Variants in XKR4 observed in about 807,000 individuals in gnomAD.
XKR4 encodes the protein XK related 4.
A neutral mutation model predicts 53.9 loss-of-function variants in XKR4; 12 were observed. That is an observed-to-expected ratio of 0.22 (90% CI 0.14 to 0.36). XKR4 has a LOEUF of 0.36. Ranked by LOEUF, XKR4 falls within the 10% of genes least tolerant of loss-of-function variation. The pLI, the probability that XKR4 is intolerant of heterozygous loss-of-function variation, is 1.00. For synonymous variants in XKR4, 354 were observed against 362.4 expected (o/e 0.98, Z 0.26); for missense variants, 799 against 859.5 (o/e 0.93, Z 0.88).
At chr8:55,434,171 AC>A (rs1358960583) in intron 2 of XKR4, among the ~76,000 whole-genome samples, 31 of 152,246 alleles carry the variant, frequency 2.0e-4, no homozygotes, top group Non-Finnish European at 1.5e-5. Flanking sequence ...ACCTATATAT[AC>A]ATTAGAGAAA....
intron 1 of XKR4, among the ~76,000 whole-genome samples, chr8:55,292,479 G>A (rs893656604): frequency 1.3e-5 from 2 of 152,090 alleles, no homozygotes; most frequent in African/African-American, 2.4e-5. Context: ...TTTGATGTCT[G>A]TGGGGTCTGT....
chr8:55,335,090 G>T lies in XKR4; in HGVS notation c.807-22588G>T, dbSNP rs368434960. Among the ~76,000 whole-genome samples, 75 of 152,278 alleles carry T rather than the reference G, an allele frequency of 4.9e-4. 1 individual carries two copies. The South Asian group carries it at 0.015, about 29-fold the overall frequency. On this transcript the variant is annotated intron_variant, in intron 1 of 2. Transcript: ENST00000327381. ...TTTTAGACAACATAGGGCCTGGATT[G>T]TAGACATGACCTGGGTCTAAACTCA...
intron 1 of XKR4, among the ~76,000 whole-genome samples, chr8:55,279,019 A>C (rs546663944): frequency 1.3e-5 from 2 of 152,324 alleles, no homozygotes; most frequent in African/African-American, 4.8e-5. Flanking sequence ...TTGAGAACCT[A>C]TTGTGTCCAA....
At chr8:55,198,001 A>C (rs531193901) in intron 1 of XKR4, among the ~76,000 whole-genome samples, 21 of 152,324 alleles carry the variant, frequency 1.4e-4, no homozygotes, top group African/African-American at 4.8e-4. Context: ...AGGCCTCTAC[A>C]CTGGCCAAGT....
At chr8:55,430,728 G>A (rs1360161875) in intron 2 of XKR4, among the ~76,000 whole-genome samples, 1 of 152,196 alleles carries the variant, frequency 6.6e-6, no homozygotes, top group African/African-American at 2.4e-5. Context: ...GTGGAAGTCT[G>A]AGATGAAGGT....
chr8:55,331,607 C>T (rs1431357890), intron 1 of XKR4, among the ~76,000 whole-genome samples: 1 of 152,048 alleles, frequency 6.6e-6, no homozygotes, highest in African/African-American at 2.4e-5. Context: ...GTCAATGCTG[C>T]AGATATTTAG....
chr8:55,326,595 T>C (rs774570825), intron 1 of XKR4, among the ~76,000 whole-genome samples: 10 of 149,098 alleles, frequency 6.7e-5, no homozygotes, highest in Non-Finnish European at 8.9e-5. Flanking sequence ...CTCAGCCTCC[T>C]GAGTAGCTGG....
At chr8:55,201,815 T>A (rs1817579601) in intron 1 of XKR4, among the ~76,000 whole-genome samples, 1 of 152,212 alleles carries the variant, frequency 6.6e-6, no homozygotes, top group Admixed American at 6.5e-5. Flanking sequence ...TGGTACAGCC[T>A]CTTGTTGCCT....
At chr8:55,513,871 A>G (rs1238670253) in intron 2 of XKR4, among the ~76,000 whole-genome samples, 4 of 152,222 alleles carry the variant, frequency 2.6e-5, no homozygotes, top group Non-Finnish European at 5.9e-5. Context: ...GTGGGTGTAA[A>G]TCCTGCTTCT....
At chr8:55,427,822 A>G (rs1218649680) in intron 2 of XKR4, among the ~76,000 whole-genome samples, 1 of 152,174 alleles carries the variant, frequency 6.6e-6, no homozygotes, top group Non-Finnish European at 1.5e-5. Context: ...ATGTTTATTA[A>G]TCCTTTGTTT....
intron 1 of XKR4, among the ~76,000 whole-genome samples, chr8:55,323,025 G>T (rs1803239461): frequency 2.0e-5 from 3 of 152,108 alleles, no homozygotes; most frequent in Admixed American, 2.0e-4. Flanking sequence ...GATGTTTTCT[G>T]TAAGGATTTT....
chr8:55,326,468 CT>C (rs10666278), intron 1 of XKR4, among the ~76,000 whole-genome samples: 124 of 111,766 alleles, frequency 1.1e-3, no homozygotes, highest in Non-Finnish European at 1.5e-3. Flanking sequence ...ATTTTTTTTC[CT>C]TTTTTTTTTT....
At chr8:55,221,994 A>G (rs948703539) in intron 1 of XKR4, among the ~76,000 whole-genome samples, 2 of 152,160 alleles carry the variant, frequency 1.3e-5, no homozygotes, top group African/African-American at 2.4e-5. Context: ...CTTACAACTA[A>G]TCTGTCCCAG....
At chr8:55,408,538 C>T (rs1804723851) in intron 2 of XKR4, among the ~76,000 whole-genome samples, 1 of 152,162 alleles carries the variant, frequency 6.6e-6, no homozygotes, top group South Asian at 2.1e-4. Flanking sequence ...AAGGAACAGA[C>T]ACAACCCAGA....
chr8:55,434,293 C>G (rs191120868), intron 2 of XKR4, among the ~76,000 whole-genome samples: 1 of 152,002 alleles, frequency 6.6e-6, no homozygotes, highest in African/African-American at 2.4e-5. Flanking sequence ...TAACCTTATT[C>G]GTAGATTTGA....
chr8:55,321,198 G>C (rs1803207370), intron 1 of XKR4, among the ~76,000 whole-genome samples: 1 of 152,054 alleles, frequency 6.6e-6, no homozygotes, highest in Admixed American at 6.6e-5. Flanking sequence ...CTATTTTGCA[G>C]ATTCGAGTTC....
chr8:55,277,421 T>C (rs1818779217), intron 1 of XKR4, among the ~76,000 whole-genome samples: 1 of 152,238 alleles, frequency 6.6e-6, no homozygotes, highest in Non-Finnish European at 1.5e-5. Flanking sequence ...GTTTCCATTT[T>C]TGAATTTTTT....
At chr8:55,430,998 G>A (rs1805095572) in intron 2 of XKR4, among the ~76,000 whole-genome samples, 1 of 152,212 alleles carries the variant, frequency 6.6e-6, no homozygotes, top group Non-Finnish European at 1.5e-5. Context: ...ACCATGGGCA[G>A]GGAGGCGAAC....
chr8:55,137,588 T>TG, intron 1 of XKR4, among the ~76,000 whole-genome samples: 1 of 151,668 alleles, frequency 6.6e-6, no homozygotes, highest in Non-Finnish European at 1.5e-5. Flanking sequence ...TTTTTTTTTT[T>TG]TTTTGAAATA....
Sources: gnomAD v4.1 joint callset for allele counts (sites outside exome capture counted in the v4.1 genomes callset) on GRCh38, gnomAD v4.1.1 for gene constraint, MANE v1.5 for transcripts, NCBI Gene and HGNC (gene_info 2026-07-23, HGNC 2026-07-21) for gene names.